Variants in WDHD1 observed in about 807,000 individuals in gnomAD.
WDHD1 encodes the protein WD repeat and HMG-box DNA-binding protein 1.
In WDHD1, 111 loss-of-function variants were observed where a neutral mutation model predicts 135.4. That is an observed-to-expected ratio of 0.82 (90% CI 0.70 to 0.96). The LOEUF is 0.96. WDHD1 is among the 40% of genes least tolerant of loss of function. WDHD1 has a pLI of 0.00. For missense variants in WDHD1, 1,351 were observed against 1,336.3 expected (o/e 1.01, Z -0.17); for synonymous variants, 434 against 439.0 (o/e 0.99, Z 0.14).
intron 24 of WDHD1, 33 bp from the exon 25 acceptor site, chr14:54,944,503 C>T (rs1267343196): frequency 1.3e-6 from 2 of 1,538,754 alleles, no homozygotes; most frequent in African/African-American, 2.8e-5. Context: ...ACATTTTATA[C>T]TTAAGACAGA....
At chr14:54,961,410 G>A (rs550689877) in intron 21 of WDHD1, among the ~76,000 whole-genome samples, 36 of 152,184 alleles carry the variant, frequency 2.4e-4, no homozygotes, top group South Asian at 1.2e-3. Context: ...CCATCACTCC[G>A]AAACCCTTCA....
rs1437907580 is a variant in WDHD1 at position 54,984,721 on chromosome 14, GC to G, written c.1906+1del. On this transcript the variant is annotated splice_donor_variant, in intron 15 of 25. Coordinates refer to ENST00000360586, the MANE Select transcript of WDHD1 (RefSeq NM_007086.4). LOFTEE classifies it high-confidence loss of function. ...TGTTTTTTTTAAACAAATTTATCTT[GC>G]CTTCAGCTGAAAACCCAATCCATGC... The G allele has an allele frequency of 1.3e-6, 2 of 1,596,880 alleles. No homozygotes were observed. The highest frequency in any genetic ancestry group is 1.8e-5 in the Admixed American group (1 of 54,406).
intron 7 of WDHD1, chr14:55,004,738 C>A: frequency 2.7e-6 from 1 of 372,678 alleles, no homozygotes; most frequent in Non-Finnish European, 5.3e-6. Flanking sequence ...TGGGCGTGAG[C>A]CAGCGAGCCC....
chr14:54,986,378 G>C (rs971041210), intron 14 of WDHD1, among the ~76,000 whole-genome samples: 27 of 152,036 alleles, frequency 1.8e-4, no homozygotes, highest in African/African-American at 6.5e-4. Context: ...TTGCTATCCA[G>C]ACTTGTATTG....
At position 54,966,501 on chromosome 14, in the gene WDHD1, G is replaced by C. The variant is rs2041347644; in HGVS notation, c.2284C>G (p.Gln762Glu). Residue 762 changes from glutamine (Q) to glutamate (E), a missense_variant, in exon 18 of 26, where the codon CAG becomes GAG. Around this residue, in one of 2 missense-constraint regions of WDHD1, gnomAD observed 1,330 missense variants for 1,296.1 expected, o/e 1.03. Transcript: ENST00000360586. ...STKNQATKEQ[Q>E]ELLMKMLALS... ...GCAAGCATTTTCATTAAAAGTTCCTGTTGCTCTTTTGTTGCTTGATTTTTA... is the reference window on the plus strand; with the variant it reads ...GCAAGCATTTTCATTAAAAGTTCCTCTTGCTCTTTTGTTGCTTGATTTTTA... The C allele has an allele frequency of 6.2e-7, 1 of 1,602,482 alleles. No individual in the cohort carries two copies. The highest frequency in any genetic ancestry group is 1.4e-5 in the African/African-American group (1 of 74,054).
At position 55,013,502 on chromosome 14, in the gene WDHD1, A is replaced by G. The variant is rs375102231; in HGVS notation, c.172T>C (p.Tyr58His). The G allele has an allele frequency of 1.2e-5, 19 of 1,613,040 alleles. No individual in the cohort carries two copies. The highest frequency in any genetic ancestry group is 1.6e-5 in the Non-Finnish European group (19 of 1,179,176). Residue 58 changes from tyrosine to histidine, a missense_variant, in exon 3 of 26, where the codon TAT becomes CAT. Coordinates refer to ENST00000360586, the MANE Select transcript of WDHD1 (RefSeq NM_007086.4). ...TTTACTACCTTCAAAGCACATGAATATGCCTTTTCTCCAACATTAATGAAC... is the reference window on the plus strand; with the variant it reads ...TTTACTACCTTCAAAGCACATGAATGTGCCTTTTCTCCAACATTAATGAAC... ...PKFINVGEKA[Y>H]SCALKSGKLV...
rs556384592 is a variant in WDHD1, at chr14:54,987,873, C to T, written c.1527-486G>A. Among the ~76,000 whole-genome samples, 5 of 152,256 alleles carry T rather than the reference C, an allele frequency of 3.3e-5. No individual in the cohort carries two copies. The South Asian group carries it at 8.3e-4, about 25-fold the overall frequency. On this transcript the variant is annotated intron_variant, in intron 13 of 25. Coordinates refer to ENST00000360586, the MANE Select transcript of WDHD1 (RefSeq NM_007086.4). ...AACTCTTGAGCTCAGGTCATCTGTC[C>T]GCCTTGGCCTCCCAAAGTGCCGGGA...
At chr14:54,964,028 A>T (rs2041300626) in intron 18 of WDHD1, among the ~76,000 whole-genome samples, 1 of 152,148 alleles carries the variant, frequency 6.6e-6, no homozygotes, top group African/African-American at 2.4e-5. Flanking sequence ...GGTTCACTAG[A>T]GCCCAGGAGG....
chr14:54,974,495 T>G (rs55802024), intron 16 of WDHD1, among the ~76,000 whole-genome samples: 52,649 of 145,772 alleles, frequency 0.36, 9,681 homozygotes, highest in African/African-American at 0.46. Context: ...TTTGTTTTGT[T>G]TTTTTTTTTT....
intron 6 of WDHD1, 74 bp downstream of exon 6, chr14:55,008,242 G>T: frequency 7.3e-7 from 1 of 1,375,080 alleles, no homozygotes; most frequent in Non-Finnish European, 1.0e-6. Flanking sequence ...TATTAATTTG[G>T]CCCAGTAATA....
intron 2 of WDHD1, among the ~76,000 whole-genome samples, chr14:55,019,109 AT>A (rs1262099949): frequency 6.6e-6 from 1 of 152,222 alleles, no homozygotes; most frequent in Non-Finnish European, 1.5e-5. Context: ...GCTACAGCTA[AT>A]TTTTTATGAG....
chr14:55,009,565 G>T (rs925837798), intron 4 of WDHD1, among the ~76,000 whole-genome samples: 1 of 151,814 alleles, frequency 6.6e-6, no homozygotes, highest in African/African-American at 2.4e-5. Flanking sequence ...CCAAGTAGCC[G>T]GGATTATAGG....
chr14:55,022,195 A>C lies in WDHD1; in HGVS notation c.77+4516T>G, dbSNP rs759163289. Among the ~76,000 whole-genome samples, 7 of 152,206 alleles carry C rather than the reference A, an allele frequency of 4.6e-5. No individual in the cohort carries two copies. In the South Asian group the frequency reaches 6.2e-4, roughly 13 times the overall value. ...AAGATACTTTCTGACTTCAGGCACA[A>C]AGCATCAGTGAAACCAATCCAGAAA... On this transcript the variant is annotated intron_variant, in intron 2 of 25. Transcript: ENST00000360586.
At chr14:54,953,787 C>T (rs1452180252) in intron 24 of WDHD1, among the ~76,000 whole-genome samples, 1 of 152,124 alleles carries the variant, frequency 6.6e-6, no homozygotes, top group Non-Finnish European at 1.5e-5. Flanking sequence ...GAATACTATA[C>T]AGCCATAAAA....
At chr14:54,971,319 G>A (rs984311260) in intron 16 of WDHD1, among the ~76,000 whole-genome samples, 5 of 152,158 alleles carry the variant, frequency 3.3e-5, no homozygotes, top group Admixed American at 6.5e-5. Context: ...GCTCACATCT[G>A]TAATCCCAGC....
chr14:55,013,958 T>C (rs904456053), intron 2 of WDHD1, among the ~76,000 whole-genome samples: 39 of 152,204 alleles, frequency 2.6e-4, no homozygotes, highest in Admixed American at 5.9e-4. Context: ...TTTGGAATGC[T>C]ACTTCTATAT....
chr14:55,021,513 G>C (rs1166574662), intron 2 of WDHD1, among the ~76,000 whole-genome samples: 5 of 151,880 alleles, frequency 3.3e-5, no homozygotes, highest in Admixed American at 1.3e-4. Context: ...AGAAGGTGGA[G>C]TGTGGGATTA....
At chr14:54,994,780 G>T (rs536292449) in intron 11 of WDHD1, among the ~76,000 whole-genome samples, 3 of 150,248 alleles carry the variant, frequency 2.0e-5, no homozygotes, top group African/African-American at 7.4e-5. Flanking sequence ...AAAAAAATCC[G>T]GTTGCACTCA....
chr14:54,959,923 C>A (rs1455325101), intron 21 of WDHD1, among the ~76,000 whole-genome samples: 1 of 152,168 alleles, frequency 6.6e-6, no homozygotes, highest in Non-Finnish European at 1.5e-5. Flanking sequence ...TAGCCCCTTG[C>A]GGTTTGGTGC....
Sources: gnomAD v4.1 joint callset for allele counts (sites outside exome capture counted in the v4.1 genomes callset) on GRCh38, gnomAD v4.1.1 for gene constraint, gnomAD v4.1.1 regional missense constraint, MANE v1.5 for transcripts, NCBI Gene and HGNC (gene_info 2026-07-23, HGNC 2026-07-21) for gene names.